Variants in RASA1 observed in about 807,000 individuals in gnomAD.
RASA1 encodes the protein RAS p21 protein activator 1.
In RASA1, 25 loss-of-function variants were observed where a neutral mutation model predicts 132.2. The ratio of observed to expected loss-of-function variants is 0.19; its 90% confidence interval spans 0.14 to 0.26. The LOEUF is 0.26. Among genes scored for constraint, RASA1 ranks in the 10% least tolerant of loss-of-function variants. The pLI, the probability that RASA1 is intolerant of heterozygous loss-of-function variation, is 1.00. For missense variants in RASA1, 964 were observed against 1,299.2 expected (o/e 0.74, Z 3.97); for synonymous variants, 477 against 449.9 (o/e 1.06, Z -0.76).
At chr5:87,285,991 C>G (rs1251512442) in intron 1 of RASA1, among the ~76,000 whole-genome samples, 1 of 151,554 alleles carries the variant, frequency 6.6e-6, no homozygotes, top group Admixed American at 6.6e-5. Flanking sequence ...CGAAATAGAT[C>G]TAACACCTTT....
chr5:87,378,949 A>G (rs1200273039), intron 18 of RASA1, among the ~76,000 whole-genome samples: 1 of 152,194 alleles, frequency 6.6e-6, no homozygotes. Flanking sequence ...GATAACCTCA[A>G]CTAAAACAAA....
chr5:87,376,723 A>G (rs905199784), intron 16 of RASA1, 158 bp downstream of exon 16: 9 of 1,222,680 alleles, frequency 7.4e-6, no homozygotes, highest in African/African-American at 4.6e-5. Context: ...TTTGGTAGAA[A>G]TAAGTAGACT....
chr5:87,350,726 A>G (rs943137025), intron 8 of RASA1, among the ~76,000 whole-genome samples: 1 of 151,646 alleles, frequency 6.6e-6, no homozygotes, highest in East Asian at 1.9e-4. Flanking sequence ...GATTAAAAAA[A>G]AAAAGTTAAA....
chr5:87,344,460 T>C lies in RASA1; in HGVS notation c.1050-2212T>C, dbSNP rs187387120. 3.8e-3 allele frequency among the ~76,000 whole-genome samples: 583 copies of C among 152,254 alleles called. 2 individuals carry two copies. Among genetic ancestry groups the C allele is most frequent in the African/African-American group, 0.013 (548 of 41,548 alleles). Reference sequence around the variant, plus strand: ...TGTCGTTTACTACTCCTAGCACTTATCATCTGTAGTTTCCTAATCTCCAGC... The same window carrying C: ...TGTCGTTTACTACTCCTAGCACTTACCATCTGTAGTTTCCTAATCTCCAGC... On this transcript the variant is annotated intron_variant, in intron 6 of 24. Coordinates refer to ENST00000274376, the MANE Select transcript of RASA1 (RefSeq NM_002890.3).
chr5:87,358,908 C>T (rs1475300217), intron 9 of RASA1, among the ~76,000 whole-genome samples: 4 of 152,096 alleles, frequency 2.6e-5, no homozygotes, highest in East Asian at 3.9e-4. Context: ...CTCACTCTTA[C>T]ATCTTTCAAG....
At chr5:87,330,563 A>G (rs946737830) in intron 1 of RASA1, among the ~76,000 whole-genome samples, 2 of 152,160 alleles carry the variant, frequency 1.3e-5, no homozygotes, top group South Asian at 2.1e-4. Context: ...TACTTCTAGT[A>G]TATTTCTAAG....
At chr5:87,351,113 A>T (rs1184624426) in intron 8 of RASA1, among the ~76,000 whole-genome samples, 1 of 151,584 alleles carries the variant, frequency 6.6e-6, no homozygotes, top group Non-Finnish European at 1.5e-5. Context: ...ATAAAGAGGG[A>T]TAGTAGTTAT....
chr5:87,356,782 G>A (rs1400396641), intron 9 of RASA1, among the ~76,000 whole-genome samples: 3 of 152,096 alleles, frequency 2.0e-5, no homozygotes, highest in Non-Finnish European at 4.4e-5. Flanking sequence ...TAACTTATAC[G>A]TGCACTGCGA....
intron 8 of RASA1, 137 bp from the exon 9 acceptor site, chr5:87,353,020 C>G: frequency 1.5e-6 from 1 of 647,690 alleles, no homozygotes; most frequent in East Asian, 2.8e-5. Context: ...ATCATTTATT[C>G]TATTAATGTA....
At chr5:87,377,827 A>G (rs1761429651) in intron 17 of RASA1, among the ~76,000 whole-genome samples, 1 of 152,102 alleles carries the variant, frequency 6.6e-6, no homozygotes, top group Admixed American at 6.6e-5. Flanking sequence ...ATAAATAGTA[A>G]AGTTTAGAAC....
chr5:87,282,860 CAA>C (rs1018894345), intron 1 of RASA1, among the ~76,000 whole-genome samples: 9 of 152,132 alleles, frequency 5.9e-5, no homozygotes, highest in African/African-American at 2.2e-4. Context: ...TTTAAATTGA[CAA>C]AAATTGTGTA....
At chr5:87,282,782 G>A (rs999994279) in intron 1 of RASA1, among the ~76,000 whole-genome samples, 1 of 151,716 alleles carries the variant, frequency 6.6e-6, no homozygotes, top group Non-Finnish European at 1.5e-5. Context: ...TGATCTGTTG[G>A]TCCTCAAGTT....
intron 13 of RASA1, among the ~76,000 whole-genome samples, chr5:87,372,581 C>T (rs781703009): frequency 2.8e-4 from 42 of 152,230 alleles, no homozygotes; most frequent in Non-Finnish European, 5.3e-4. Flanking sequence ...TTTTGAAGAA[C>T]AGCTTTTAAA....
At chr5:87,285,926 C>T (rs1370749923) in intron 1 of RASA1, among the ~76,000 whole-genome samples, 1 of 151,812 alleles carries the variant, frequency 6.6e-6, no homozygotes, top group Non-Finnish European at 1.5e-5. Flanking sequence ...GCCAGTCGGT[C>T]TCTTTTTCTC....
chr5:87,344,376 A>C (rs992425927), intron 6 of RASA1, among the ~76,000 whole-genome samples: 4 of 152,170 alleles, frequency 2.6e-5, no homozygotes, highest in Admixed American at 2.0e-4. Context: ...TGAATCTTAT[A>C]CTGATTCTCC....
chr5:87,368,133 T>TA (rs201302523), intron 11 of RASA1, among the ~76,000 whole-genome samples: 14 of 151,440 alleles, frequency 9.2e-5, no homozygotes, highest in African/African-American at 2.7e-4. Context: ...GGAGTCTGGT[T>TA]AAAAAAAAAG....
intron 10 of RASA1, 46 bp downstream of exon 10, chr5:87,362,717 A>G: frequency 1.3e-6 from 2 of 1,577,252 alleles, no homozygotes; most frequent in Middle Eastern, 3.4e-4. Flanking sequence ...GAGACGTTGT[A>G]AATATGGAGC....
rs1452265546 is a variant in RASA1, at chr5:87,363,473, G to A, written c.1579G>A (p.Val527Ile). The A allele has an allele frequency of 1.2e-6, 2 of 1,612,464 alleles. No homozygotes were observed. The highest frequency in any genetic ancestry group is 1.7e-6 in the Non-Finnish European group (2 of 1,178,868). The stretch of plus-strand genomic sequence containing the variant: ...ATTAATAGATCTCAGTGTATGTTCT[G>A]TCTATGTCGTTCATGATAGTCTCTT... ...KGLIDLSVCSVYVVHDSLFGR... is the reference protein window; with the variant it reads ...KGLIDLSVCSIYVVHDSLFGR... The change falls in exon 11 of 25, where the codon GTC (valine) becomes ATC (isoleucine). Residue 527 changes from valine to isoleucine, a missense_variant. Around this residue, in one of 6 missense-constraint regions of RASA1, gnomAD observed 346 missense variants for 520.1 expected, o/e 0.67. Transcript: ENST00000274376.
chr5:87,308,906 G>A (rs1447522214), intron 1 of RASA1, among the ~76,000 whole-genome samples: 2 of 152,138 alleles, frequency 1.3e-5, no homozygotes, highest in Non-Finnish European at 2.9e-5. Flanking sequence ...TATACTTTAT[G>A]ATGTCTGCAC....
Sources: allele counts gnomAD v4.1 joint callset (sites outside exome capture counted in the v4.1 genomes callset), GRCh38; gene constraint gnomAD v4.1.1; regional missense constraint gnomAD v4.1.1; transcripts MANE v1.5; gene names NCBI Gene and HGNC (gene_info 2026-07-23, HGNC 2026-07-21).